REEP3: variants seen among roughly 807,000 people sequenced by gnomAD.
The protein encoded by REEP3 is receptor expression-enhancing protein 3.
In REEP3, 20 loss-of-function variants were observed where a neutral mutation model predicts 41.3. The ratio of observed to expected loss-of-function variants is 0.48; its 90% CI spans 0.34 to 0.70. REEP3 has a LOEUF of 0.70. Ranked by LOEUF, REEP3 falls within the 30% of genes least tolerant of loss-of-function variation. The pLI, the probability that REEP3 is intolerant of heterozygous loss-of-function variation, is 0.01. For missense variants in REEP3, 271 were observed against 308.8 expected (o/e 0.88, Z 0.92); for synonymous variants, 104 against 101.8 (o/e 1.02, Z -0.13).
chr10:63,532,283 C>G (rs59035163), intron 1 of REEP3, among the ~76,000 whole-genome samples: 20,589 of 152,104 alleles, frequency 0.14, 2,025 homozygotes, highest in East Asian at 0.29. Context: ...ACCAATAATT[C>G]AAAACATAAT....
At chr10:63,594,050 AAT>A (rs1328634336) in intron 2 of REEP3, among the ~76,000 whole-genome samples, 1 of 152,082 alleles carries the variant, frequency 6.6e-6, no homozygotes, top group African/African-American at 2.4e-5. Context: ...ATAAAGATTA[AAT>A]ATAGTCTTAT....
intron 1 of REEP3, among the ~76,000 whole-genome samples, chr10:63,544,791 G>A (rs971795849): frequency 1.3e-5 from 2 of 152,128 alleles, no homozygotes; most frequent in Non-Finnish European, 2.9e-5. Context: ...TATGTAGTAA[G>A]TTTTTAAAGT....
At chr10:63,542,920 G>GGTAT (rs1194279629) in intron 1 of REEP3, among the ~76,000 whole-genome samples, 2 of 152,160 alleles carry the variant, frequency 1.3e-5, no homozygotes, top group Non-Finnish European at 2.9e-5. Context: ...GGATGCCACA[G>GGTAT]GTATCATCAG....
intron 1 of REEP3, chr10:63,562,463 G>A (rs1468229852): frequency 4.6e-6 from 2 of 432,434 alleles, no homozygotes; most frequent in Non-Finnish European, 9.3e-6. Flanking sequence ...CCCCACGTTG[G>A]CCAAGCTGGT....
intron 2 of REEP3, among the ~76,000 whole-genome samples, chr10:63,574,292 A>G (rs992645623): frequency 6.6e-6 from 1 of 152,208 alleles, no homozygotes; most frequent in Non-Finnish European, 1.5e-5. Context: ...TCATTGCAGT[A>G]TAATTTGTTT....
At chr10:63,558,588 C>T (rs923285821) in intron 1 of REEP3, among the ~76,000 whole-genome samples, 2 of 152,000 alleles carry the variant, frequency 1.3e-5, no homozygotes, top group Non-Finnish European at 2.9e-5. Flanking sequence ...GGAGTTTGAG[C>T]CCAGCCTGGC....
At chr10:63,569,245 T>C (rs1955831417) in intron 2 of REEP3, among the ~76,000 whole-genome samples, 2 of 152,210 alleles carry the variant, frequency 1.3e-5, no homozygotes, top group South Asian at 4.1e-4. Context: ...ATGGGAACCA[T>C]TTCCCTATTT....
At chr10:63,615,916 T>C (rs1455969253) in intron 6 of REEP3, among the ~76,000 whole-genome samples, 1 of 152,242 alleles carries the variant, frequency 6.6e-6, no homozygotes, top group Non-Finnish European at 1.5e-5. Flanking sequence ...CTCTGTGGAC[T>C]CTGTCATTTC....
intron 1 of REEP3, among the ~76,000 whole-genome samples, chr10:63,546,027 C>T (rs746905434): frequency 6.6e-6 from 1 of 152,070 alleles, no homozygotes; most frequent in Non-Finnish European, 1.5e-5. Flanking sequence ...GGAAGCCAAC[C>T]GGGTGTAAAC....
intron 2 of REEP3, among the ~76,000 whole-genome samples, chr10:63,567,345 G>T (rs182061263): frequency 1.3e-5 from 2 of 151,962 alleles, no homozygotes; most frequent in Admixed American, 1.3e-4. Context: ...ATAAAACCCT[G>T]TGCCCAAGTT....
At chr10:63,522,890 T>G (rs931146331) in intron 1 of REEP3, among the ~76,000 whole-genome samples, 1 of 152,142 alleles carries the variant, frequency 6.6e-6, no homozygotes, top group African/African-American at 2.4e-5. Context: ...TTTTTCAGCC[T>G]TTTCCTGGCC....
At chr10:63,614,513 G>C (rs970567891) in intron 6 of REEP3, among the ~76,000 whole-genome samples, 2 of 152,192 alleles carry the variant, frequency 1.3e-5, no homozygotes, top group African/African-American at 2.4e-5. Flanking sequence ...AATGGTTGGA[G>C]CCTCTCAGCC....
chr10:63,553,655 A>T (rs535797657), intron 1 of REEP3, among the ~76,000 whole-genome samples: 44 of 152,328 alleles, frequency 2.9e-4, no homozygotes, highest in Non-Finnish European at 5.6e-4. Flanking sequence ...ATACTGAATG[A>T]ATTGCACAGA....
At chr10:63,580,038 A>G (rs1467090315) in intron 2 of REEP3, among the ~76,000 whole-genome samples, 1 of 152,222 alleles carries the variant, frequency 6.6e-6, no homozygotes, top group Non-Finnish European at 1.5e-5. Flanking sequence ...GAAATCAACA[A>G]TGTAGTAATA....
intron 1 of REEP3, among the ~76,000 whole-genome samples, chr10:63,552,878 A>G (rs1347437799): frequency 6.6e-6 from 1 of 152,030 alleles, no homozygotes; most frequent in Admixed American, 6.6e-5. Flanking sequence ...CTTGTGGCAC[A>G]TGTTTGTTTC....
intron 2 of REEP3, among the ~76,000 whole-genome samples, chr10:63,574,578 T>C (rs1955881034): frequency 6.6e-6 from 1 of 152,186 alleles, no homozygotes; most frequent in Admixed American, 6.5e-5. Flanking sequence ...TATAATCATT[T>C]TCATTATGTA....
chr10:63,526,347 G>A (rs981641530), intron 1 of REEP3, among the ~76,000 whole-genome samples: 2 of 151,856 alleles, frequency 1.3e-5, no homozygotes, highest in African/African-American at 4.8e-5. Context: ...ATTATTATAA[G>A]TAATGCTGAA....
chr10:63,577,958 G>A (rs1026118265), intron 2 of REEP3, among the ~76,000 whole-genome samples: 1 of 151,890 alleles, frequency 6.6e-6, no homozygotes, highest in Admixed American at 6.6e-5. Context: ...TCACTTTACT[G>A]TTGTTTTAAT....
intron 2 of REEP3, among the ~76,000 whole-genome samples, chr10:63,585,865 G>T (rs981956466): frequency 6.6e-6 from 1 of 152,068 alleles, no homozygotes; most frequent in Non-Finnish European, 1.5e-5. Context: ...GTATACTTGG[G>T]GCCTGGGTAT....
Sources: gnomAD v4.1 joint callset for allele counts (sites outside exome capture counted in the v4.1 genomes callset) on GRCh38, gnomAD v4.1.1 for gene constraint, MANE v1.5 for transcripts, NCBI Gene and HGNC (gene_info 2026-07-23, HGNC 2026-07-21) for gene names.